The following SPPL3 variants were observed in gnomAD, a reference collection of about 807,000 sequenced individuals.
SPPL3 encodes signal peptide peptidase-like 3.
A neutral mutation model predicts 42.4 loss-of-function variants in SPPL3; 5 were observed. The observed-to-expected ratio is 0.12, with a 90% CI of 0.06 to 0.25. The LOEUF is 0.25. Among genes scored for constraint, SPPL3 ranks in the 10% least tolerant of loss-of-function variants. The probability of loss-of-function intolerance (pLI) is 1.00; values close to 1 mark genes in which losing one functional copy is unlikely to be tolerated. For missense variants in SPPL3, 235 were observed against 489.0 expected (o/e 0.48, Z 4.90); for synonymous variants, 195 against 181.8 (o/e 1.07, Z -0.58).
At position 120,793,137 on chromosome 12, in the gene SPPL3, AAAG is replaced by A. The variant is rs1869976611; in HGVS notation, c.102-1583_102-1581del. Reference sequence around the variant, plus strand: ...AAAGGATCTGAAGAGACATTTCTTCAAAGAAGATACACAAATAGCCAATGAGCC... The same window carrying A: ...AAAGGATCTGAAGAGACATTTCTTCAAAGATACACAAATAGCCAATGAGCC... On this transcript the variant is annotated intron_variant, in intron 2 of 10. Transcript: ENST00000353487. Among the ~76,000 whole-genome samples the A allele has an allele frequency of 3.3e-5, 5 of 152,254 alleles. No individual in the cohort carries two copies. The South Asian group carries it at 8.3e-4, about 25-fold the overall frequency.
At chr12:120,883,358 C>T (rs774624821) in intron 1 of SPPL3, among the ~76,000 whole-genome samples, 1 of 152,152 alleles carries the variant, frequency 6.6e-6, no homozygotes, top group Non-Finnish European at 1.5e-5. Context: ...GGATTAAAAA[C>T]TTCTATGTGA....
At chr12:120,836,599 T>C (rs991279306) in intron 1 of SPPL3, among the ~76,000 whole-genome samples, 4 of 152,138 alleles carry the variant, frequency 2.6e-5, no homozygotes, top group Non-Finnish European at 1.5e-5. Flanking sequence ...TGAGCAAATA[T>C]AGCATTTCTG....
chr12:120,787,116 G>A (rs1869747796), intron 3 of SPPL3, among the ~76,000 whole-genome samples: 1 of 152,110 alleles, frequency 6.6e-6, no homozygotes, highest in South Asian at 2.1e-4. Context: ...CTCCCTGTAA[G>A]AACGATGCTT....
intron 7 of SPPL3, 146 bp downstream of exon 7, chr12:120,768,807 A>G: frequency 2.9e-6 from 2 of 697,560 alleles, no homozygotes; most frequent in South Asian, 1.9e-5. Flanking sequence ...CGGACTGCAC[A>G]CCCATGATAC....
At chr12:120,846,260 G>T (rs1816897362) in intron 1 of SPPL3, among the ~76,000 whole-genome samples, 4 of 152,264 alleles carry the variant, frequency 2.6e-5, no homozygotes, top group Admixed American at 1.3e-4. Flanking sequence ...TAATTGAAAA[G>T]TAGGGACATT....
At chr12:120,838,968 G>A (rs1438113810) in intron 1 of SPPL3, among the ~76,000 whole-genome samples, 1 of 152,068 alleles carries the variant, frequency 6.6e-6, no homozygotes, top group South Asian at 2.1e-4. Context: ...CAGGGATCTA[G>A]AACTAGAAAT....
chr12:120,773,176 T>C (rs1566037726), intron 6 of SPPL3, among the ~76,000 whole-genome samples: 1 of 152,160 alleles, frequency 6.6e-6, no homozygotes, highest in Non-Finnish European at 1.5e-5. Context: ...CTCACACGCA[T>C]ATTTGAAAGG....
chr12:120,837,883 T>C lies in SPPL3; in HGVS notation c.24-26997A>G, dbSNP rs375282267. Among the ~76,000 whole-genome samples the C allele has an allele frequency of 1.4e-4, 22 of 152,202 alleles. No individual in the cohort carries two copies. In the East Asian group the frequency reaches 3.1e-3, roughly 21 times the overall value. On this transcript the variant is annotated intron_variant, in intron 1 of 10. Transcript: ENST00000353487. ...GACAATATCAAAATGGTATAGTCTCTACTATCCAGGTGTGTTGGTGGGCGA... is the reference window on the plus strand; with the variant it reads ...GACAATATCAAAATGGTATAGTCTCCACTATCCAGGTGTGTTGGTGGGCGA...
chr12:120,860,505 A>T (rs1198456520), intron 1 of SPPL3, among the ~76,000 whole-genome samples: 1 of 152,216 alleles, frequency 6.6e-6, no homozygotes, highest in East Asian at 1.9e-4. Flanking sequence ...ACTGTTAGCA[A>T]CGGATCCATG....
intron 2 of SPPL3, among the ~76,000 whole-genome samples, chr12:120,798,329 G>A (rs970686782): frequency 1.3e-5 from 2 of 152,104 alleles, no homozygotes; most frequent in East Asian, 1.9e-4. Context: ...AGATTAAAAC[G>A]TACACTTACT....
At chr12:120,872,757 GCCTTAGAAGGAT>G (rs1427328609) in intron 1 of SPPL3, among the ~76,000 whole-genome samples, 1 of 152,082 alleles carries the variant, frequency 6.6e-6, no homozygotes, top group Non-Finnish European at 1.5e-5. Flanking sequence ...AAAGCACGGG[GCCTTAGAAGGAT>G]CAACACCTTA....
chr12:120,818,786 T>C (rs932249018), intron 1 of SPPL3, among the ~76,000 whole-genome samples: 3 of 151,552 alleles, frequency 2.0e-5, no homozygotes, highest in East Asian at 3.9e-4. Context: ...GTTAGTGATA[T>C]TTACCGTATT....
At position 120,827,328 on chromosome 12, in the gene SPPL3, CAATAATAAT is replaced by C. The variant is rs71076662; in HGVS notation, c.24-16451_24-16443del. On this transcript the variant is annotated intron_variant, in intron 1 of 10. Coordinates refer to ENST00000353487, the MANE Select transcript of SPPL3 (RefSeq NM_139015.5). ...ATAACTGCTGCTATAATAACAGGAA[CAATAATAAT>C]AATAATAATAATAATAATATAATAA... 5.7e-3 allele frequency among the ~76,000 whole-genome samples: 832 copies of C among 145,598 alleles called. 7 individuals carry two copies. Among genetic ancestry groups the C allele is most frequent in the African/African-American group, 0.019 (757 of 39,960 alleles).
At chr12:120,814,480 T>G (rs754219334) in intron 1 of SPPL3, among the ~76,000 whole-genome samples, 1 of 152,238 alleles carries the variant, frequency 6.6e-6, no homozygotes, top group Non-Finnish European at 1.5e-5. Context: ...TATCATGTAT[T>G]AGGAAAATGA....
At chr12:120,784,690 C>CTATGGATTA in intron 3 of SPPL3, 97 bp from the exon 4 acceptor site, 1 of 925,576 alleles carries the variant, frequency 1.1e-6, no homozygotes, top group East Asian at 2.7e-5. Flanking sequence ...GCAGACAGTT[C>CTATGGATTA]TACGGATTAT....
intron 1 of SPPL3, among the ~76,000 whole-genome samples, chr12:120,873,760 T>A (rs1872997571): frequency 6.6e-6 from 1 of 151,752 alleles, no homozygotes; most frequent in Non-Finnish European, 1.5e-5. Flanking sequence ...TAATCCCAGC[T>A]ACTCAGGAGG....
At chr12:120,865,018 G>C (rs114077799) in intron 1 of SPPL3, among the ~76,000 whole-genome samples, 1,526 of 152,286 alleles carry the variant, frequency 0.01, 38 homozygotes, top group African/African-American at 0.035. Flanking sequence ...TGTTAACACA[G>C]AGAGAAAGAT....
intron 1 of SPPL3, among the ~76,000 whole-genome samples, chr12:120,899,091 T>A (rs147166006): frequency 3.5e-4 from 54 of 152,354 alleles, no homozygotes; most frequent in Admixed American, 1.4e-3. Flanking sequence ...GTTAGCACAT[T>A]CAATCTGTGT....
intron 1 of SPPL3, among the ~76,000 whole-genome samples, chr12:120,853,579 A>AG (rs1418534349): frequency 6.6e-6 from 1 of 152,224 alleles, no homozygotes; most frequent in African/African-American, 2.4e-5. Flanking sequence ...GCACATGGAA[A>AG]GGAAGTTTCA....
Sources: allele counts gnomAD v4.1 joint callset (sites outside exome capture counted in the v4.1 genomes callset), GRCh38; gene constraint gnomAD v4.1.1; transcripts MANE v1.5; gene names NCBI Gene and HGNC (gene_info 2026-07-23, HGNC 2026-07-21).